MTHFD2L: variants seen among roughly 807,000 people sequenced by gnomAD.
The protein encoded by MTHFD2L is bifunctional methylenetetrahydrofolate dehydrogenase/cyclohydrolase 2, mitochondrial.
MTHFD2L carries 29 observed loss-of-function variants against 34.9 expected under a neutral mutation model. The observed-to-expected ratio is 0.83, with a 90% confidence interval of 0.62 to 1.13. The LOEUF is 1.13. Among genes scored for constraint, MTHFD2L ranks in the 50% most tolerant of loss-of-function variants. The pLI is 0.00. For missense variants in MTHFD2L, 481 were observed against 446.5 expected, an observed-to-expected ratio of 1.08 and a Z score of -0.70; for synonymous variants, 167 against 155.7, an observed-to-expected ratio of 1.07 and a Z score of -0.54.
intron 5 of MTHFD2L, among the ~76,000 whole-genome samples, chr4:74,214,102 A>T (rs968331127): frequency 1.3e-5 from 2 of 151,864 alleles, no homozygotes; most frequent in East Asian, 3.9e-4. Context: ...CTAGTTAGCA[A>T]TTCCTGTAAC....
Position 74,158,171 on chromosome 4 carries a change from C to G in MTHFD2L, c.33C>G (p.Leu11=), listed in dbSNP as rs1578275739. The change falls in exon 1 of 8, where the codon CTC becomes CTG. Residue 11 remains leucine, a synonymous_variant. Coordinates refer to ENST00000325278, the MANE Select transcript of MTHFD2L (RefSeq NM_001144978.3). MTVPVRGFSL[L]RGRLGRAPAL... ...TGCCGGTCCGCGGCTTCTCGCTGCT[C>G]CGCGGCCGCCTTGGCCGAGCGCCGG... 7.2e-6 allele frequency: 11 copies of G among 1,528,726 alleles called. No homozygotes were observed. The East Asian group carries it at 1.5e-4, about 21-fold the overall frequency. The allele number at this position is 1,528,726 out of a possible 1,614,324, so 94.7% of individuals were successfully genotyped here.
At chr4:74,198,598 A>G (rs560315745) in intron 3 of MTHFD2L, among the ~76,000 whole-genome samples, 113 of 152,072 alleles carry the variant, frequency 7.4e-4, no homozygotes, top group African/African-American at 2.6e-3. Flanking sequence ...CATCACCTAG[A>G]TTTTTTTTAA....
intron 1 of MTHFD2L, among the ~76,000 whole-genome samples, chr4:74,137,469 G>A (rs1723012515): frequency 6.6e-6 from 1 of 152,062 alleles, no homozygotes; most frequent in South Asian, 2.1e-4. Context: ...GATAATAACA[G>A]ATGCCGGCAA....
chr4:74,204,267 C>T (rs1264339990), intron 5 of MTHFD2L, among the ~76,000 whole-genome samples: 1 of 152,112 alleles, frequency 6.6e-6, no homozygotes, highest in Non-Finnish European at 1.5e-5. Flanking sequence ...AATATCTCCT[C>T]AACTTGGTTA....
At chr4:74,119,041 T>A (rs990333425), upstream of MTHFD2L, among the ~76,000 whole-genome samples, 3 of 152,184 alleles carry the variant, frequency 2.0e-5, no homozygotes, top group African/African-American at 7.2e-5. Flanking sequence ...CCAGAGACCA[T>A]AATAAATCAG....
At chr4:74,188,117 A>G (rs571685441) in intron 3 of MTHFD2L, among the ~76,000 whole-genome samples, 2 of 47,416 alleles carry the variant, frequency 4.2e-5, no homozygotes, top group South Asian at 7.0e-4. Context: ...ACAAGAGTAT[A>G]TACTCTGTGA....
At position 74,201,356 on chromosome 4, in the gene MTHFD2L, A is replaced by G; in HGVS notation, c.698A>G (p.His233Arg). The G allele has an allele frequency of 6.2e-7, 1 of 1,613,238 alleles. No individual in the cohort carries two copies. The highest frequency in any genetic ancestry group is 8.5e-7 in the Non-Finnish European group (1 of 1,179,444). Residue 233 changes from histidine to arginine, a missense_variant, in exon 5 of 8, where the codon CAT becomes CGT. By Grantham distance (29) the His-to-Arg change is conservative (BLOSUM62 0). Coordinates refer to ENST00000325278, the MANE Select transcript of MTHFD2L (RefSeq NM_001144978.3). ...ATGCTTTTACACACTGATGGAGAGC[A>G]TGAACGGCCAGGAGGTAGGTAGAAC... ...IAMLLHTDGE[H>R]ERPGGDATVT...
In MTHFD2L at chr4:74,201,363, G is replaced by T; in HGVS notation, c.705G>T (p.Arg235=). 6.2e-7 allele frequency: 1 copy of T among 1,612,242 alleles called. No individual in the cohort carries two copies. Among genetic ancestry groups the T allele is most frequent in the Non-Finnish European group, 8.5e-7 (1 of 1,178,760 alleles). ...MLLHTDGEHE[R]PGGDATVTIA... Reference sequence around the variant, plus strand: ...TACACACTGATGGAGAGCATGAACGGCCAGGAGGTAGGTAGAACCTTGCAG... The same window carrying T: ...TACACACTGATGGAGAGCATGAACGTCCAGGAGGTAGGTAGAACCTTGCAG... Residue 235 remains arginine (R), a synonymous_variant, in exon 5 of 8, where the codon CGG becomes CGT. Coordinates refer to ENST00000325278, the MANE Select transcript of MTHFD2L (RefSeq NM_001144978.3).
intron 6 of MTHFD2L, among the ~76,000 whole-genome samples, chr4:74,276,838 T>A (rs1746716436): frequency 6.6e-6 from 1 of 152,112 alleles, no homozygotes; most frequent in South Asian, 2.1e-4. Context: ...TTAAATATAA[T>A]TTATATAATT....
chr4:74,143,348 A>G, intron 1 of MTHFD2L: 3 of 910,456 alleles, frequency 3.3e-6, no homozygotes, highest in Non-Finnish European at 3.9e-6. Context: ...GCAAAGAAAT[A>G]TACTCTTTGA....
At chr4:74,239,294 T>C (rs187914593) in intron 6 of MTHFD2L, among the ~76,000 whole-genome samples, 173 of 152,024 alleles carry the variant, frequency 1.1e-3, no homozygotes, top group African/African-American at 4.1e-3. Context: ...ATGAGAACAC[T>C]TGGACACAGG....
At chr4:74,276,717 A>G (rs1342965797) in intron 6 of MTHFD2L, among the ~76,000 whole-genome samples, 2 of 152,164 alleles carry the variant, frequency 1.3e-5, no homozygotes, top group Non-Finnish European at 2.9e-5. Flanking sequence ...TGATTGAGCA[A>G]CTATATGCTT....
chr4:74,193,113 A>C (rs139520878), intron 3 of MTHFD2L, among the ~76,000 whole-genome samples: 126 of 152,268 alleles, frequency 8.3e-4, no homozygotes, highest in African/African-American at 2.8e-3. Context: ...ATTTCTAGTT[A>C]ATTTTTCTGT....
chr4:74,161,208 T>A (rs1725390612), intron 1 of MTHFD2L: 1 of 152,218 alleles, frequency 6.6e-6, no homozygotes, highest in Admixed American at 6.5e-5. Flanking sequence ...AAAAGATACT[T>A]ATTTGTGTTA....
chr4:74,256,517 T>A (rs958245201), intron 6 of MTHFD2L, among the ~76,000 whole-genome samples: 1 of 152,196 alleles, frequency 6.6e-6, no homozygotes, highest in Admixed American at 6.5e-5. Flanking sequence ...CTACGATTCT[T>A]ATAGTTTGAG....
chr4:74,290,977 C>T (rs749956544), intron 7 of MTHFD2L, among the ~76,000 whole-genome samples: 5 of 134,646 alleles, frequency 3.7e-5, no homozygotes, highest in Non-Finnish European at 8.1e-5. Context: ...AGATTAGCTT[C>T]CTGTCTTACA....
chr4:74,230,016 TG>T (rs1478441056), intron 6 of MTHFD2L, among the ~76,000 whole-genome samples: 3 of 152,148 alleles, frequency 2.0e-5, no homozygotes, highest in Non-Finnish European at 2.9e-5. Context: ...GCCCAGTAAA[TG>T]TGAGCTGTGT....
At chr4:74,206,412 T>C (rs1250405100) in intron 5 of MTHFD2L, among the ~76,000 whole-genome samples, 1 of 152,288 alleles carries the variant, frequency 6.6e-6, no homozygotes, top group East Asian at 1.9e-4. Flanking sequence ...TCTCCAGACT[T>C]AGTCTGTCTG....
chr4:74,174,942 G>A (rs546565024), intron 2 of MTHFD2L, among the ~76,000 whole-genome samples: 5 of 152,104 alleles, frequency 3.3e-5, no homozygotes, highest in Non-Finnish European at 5.9e-5. Context: ...TAAAAGGCCT[G>A]CTTTCATTAT....
Sources: gnomAD v4.1 joint callset for allele counts (sites outside exome capture counted in the v4.1 genomes callset) on GRCh38, gnomAD v4.1.1 for gene constraint, MANE v1.5 for transcripts, NCBI Gene and HGNC (gene_info 2026-07-23, HGNC 2026-07-21) for gene names.